The following PTPRD variants were observed in gnomAD, a reference collection of about 807,000 sequenced individuals.
PTPRD encodes protein tyrosine phosphatase receptor type D.
Under a neutral mutation model 214.5 loss-of-function variants are expected in PTPRD, and 34 were observed. The observed-to-expected ratio is 0.16, with a 90% CI of 0.12 to 0.21. The LOEUF (loss-of-function observed/expected upper bound fraction) is 0.21, where lower values mean the gene tolerates loss of function less well. Ranked by LOEUF, PTPRD falls within the 10% of genes least tolerant of loss-of-function variation. The pLI is 1.00. For synonymous variants in PTPRD, 1,128 were observed against 845.7 expected (o/e 1.33, Z -5.79); for missense variants, 2,545 against 2,398.7 (o/e 1.06, Z -1.27).
intron 35 of PTPRD, among the ~76,000 whole-genome samples, chr9:8,417,813 T>C (rs952450467): frequency 6.6e-6 from 1 of 152,148 alleles, no homozygotes; most frequent in Non-Finnish European, 1.5e-5. Flanking sequence ...CTCACAATTA[T>C]AGCTTGTGTC....
intron 10 of PTPRD, among the ~76,000 whole-genome samples, chr9:9,070,515 C>T (rs1439138527): frequency 1.3e-5 from 2 of 152,076 alleles, no homozygotes; most frequent in African/African-American, 4.8e-5. Context: ...AAATCAAGGG[C>T]ACATTCCTTC....
intron 2 of PTPRD, among the ~76,000 whole-genome samples, chr9:10,505,256 T>C (rs1042576755): frequency 6.6e-6 from 1 of 152,216 alleles, no homozygotes; most frequent in African/African-American, 2.4e-5. Flanking sequence ...TTGCAGTCAC[T>C]GGTGACAGTA....
chr9:8,536,638 C>T (rs536672665), intron 14 of PTPRD, among the ~76,000 whole-genome samples: 3 of 152,040 alleles, frequency 2.0e-5, no homozygotes, highest in Non-Finnish European at 2.9e-5. Context: ...GTGCCTATAC[C>T]TTTAGCCCTT....
chr9:8,623,964 T>G (rs927203537), intron 14 of PTPRD, among the ~76,000 whole-genome samples: 2 of 151,998 alleles, frequency 1.3e-5, no homozygotes, highest in Admixed American at 1.3e-4. Context: ...TCAAGGATAT[T>G]TGAAATTCTT....
In PTPRD at chr9:8,998,871, A is replaced by G. The variant is rs186846740; in HGVS notation, c.-104+19826T>C. On this transcript the variant is annotated intron_variant, in intron 11 of 45. Coordinates refer to ENST00000381196, the MANE Select transcript of PTPRD (RefSeq NM_002839.4). ...GGAAGAAGTTGATTCCAATCCTCACAGATGACTTTGAGAGGTTCAAGACTT... is the reference window on the plus strand; with the variant it reads ...GGAAGAAGTTGATTCCAATCCTCACGGATGACTTTGAGAGGTTCAAGACTT... Among the ~76,000 whole-genome samples, 52 of 152,194 alleles carry G rather than the reference A, an allele frequency of 3.4e-4. 1 individual carries two copies. The highest frequency in any genetic ancestry group is 1.1e-3 in the African/African-American group (47 of 41,552).
At chr9:8,587,018 C>T (rs1003350067) in intron 14 of PTPRD, among the ~76,000 whole-genome samples, 8 of 151,900 alleles carry the variant, frequency 5.3e-5, no homozygotes, top group African/African-American at 1.5e-4. Flanking sequence ...ATGGTGGTGG[C>T]GGGTGCCTGT....
At chr9:8,451,302 C>T (rs985754509) in intron 33 of PTPRD, among the ~76,000 whole-genome samples, 13 of 152,076 alleles carry the variant, frequency 8.5e-5, no homozygotes, top group African/African-American at 2.9e-4. Context: ...CTTCTTTCTA[C>T]CTAAAGGTGT....
intron 2 of PTPRD, among the ~76,000 whole-genome samples, chr9:10,598,281 C>T (rs915436087): frequency 2.6e-5 from 4 of 151,706 alleles, no homozygotes; most frequent in South Asian, 4.2e-4. Flanking sequence ...TTTGCTAGCT[C>T]GAAGTAAACA....
At chr9:10,315,171 CTTGA>C (rs2096388347) in intron 3 of PTPRD, among the ~76,000 whole-genome samples, 1 of 151,692 alleles carries the variant, frequency 6.6e-6, no homozygotes, top group African/African-American at 2.4e-5. Context: ...GCATGAATGG[CTTGA>C]TTATTATGCT....
rs140385840 is a variant in PTPRD, at chr9:10,074,088, G to A, written c.-544-40298C>T. ...TTGTGTAAGCTGTCACAGAATTTGC[G>A]TGGAGGTATTTCAGATACCCACCAC... On this transcript the variant is annotated intron_variant, in intron 3 of 45. Coordinates refer to ENST00000381196, the MANE Select transcript of PTPRD (RefSeq NM_002839.4). 1.6e-3 allele frequency among the ~76,000 whole-genome samples: 236 copies of A among 152,176 alleles called. 1 individual carries two copies. Among genetic ancestry groups the A allele is most frequent in the Middle Eastern group, 3.4e-3 (1 of 294 alleles).
rs963492932 is a variant in PTPRD at position 8,484,959 on chromosome 9, C to G, written c.3153+268G>C. ...ATTCTCTGGCTGAAAAACAAAAGCA[C>G]TAGCTTAGATGTAAAAAGTTCAAGT... is the stretch of plus-strand genomic sequence containing the variant. On this transcript the variant is annotated intron_variant, in intron 29 of 45. Transcript: ENST00000381196. Among the ~76,000 whole-genome samples, 7 of 152,136 alleles carry G rather than the reference C, an allele frequency of 4.6e-5. No individual in the cohort carries two copies. The South Asian group carries it at 6.2e-4, about 13-fold the overall frequency.
intron 11 of PTPRD, among the ~76,000 whole-genome samples, chr9:8,953,385 T>C (rs1169074518): frequency 6.6e-6 from 1 of 151,962 alleles, no homozygotes. Context: ...CCTCAAACTA[T>C]AAACATCTTC....
chr9:9,834,366 T>C (rs995574258), intron 5 of PTPRD, among the ~76,000 whole-genome samples: 2 of 152,066 alleles, frequency 1.3e-5, no homozygotes, highest in African/African-American at 2.4e-5. Flanking sequence ...GATTATTGCA[T>C]AGTGGCTCTG....
intron 3 of PTPRD, among the ~76,000 whole-genome samples, chr9:10,099,975 A>G (rs1591170792): frequency 6.6e-6 from 1 of 151,870 alleles, no homozygotes; most frequent in East Asian, 1.9e-4. Context: ...CATCCAGCAT[A>G]TATAAACATG....
At chr9:9,443,570 C>G (rs2089164514) in intron 8 of PTPRD, among the ~76,000 whole-genome samples, 1 of 152,188 alleles carries the variant, frequency 6.6e-6, no homozygotes, top group Admixed American at 6.6e-5. Context: ...TCTTCAAGCC[C>G]TGGGTTGTTA....
At chr9:8,808,742 G>C (rs1459771899) in intron 11 of PTPRD, among the ~76,000 whole-genome samples, 5 of 151,902 alleles carry the variant, frequency 3.3e-5, no homozygotes, top group Admixed American at 2.0e-4. Flanking sequence ...GTTATCAAAA[G>C]ACCACCTGCA....
rs114695005 is a variant in PTPRD at position 9,667,293 on chromosome 9, G to T, written c.-287+67240C>A. Among the ~76,000 whole-genome samples the T allele has an allele frequency of 2.5e-3, 381 of 151,870 alleles. 2 individuals carry two copies. The highest frequency in any genetic ancestry group is 8.6e-3 in the African/African-American group (357 of 41,432). On this transcript the variant is annotated intron_variant, in intron 7 of 45. Transcript: ENST00000381196. ...TGCTCAAATTCTATTATTTCCCCAA[G>T]CCTTATGAGATCTTCCCATTCATCA... is the stretch of plus-strand genomic sequence containing the variant.
rs776993569 is a variant in PTPRD, at chr9:9,638,135, A to AT, written c.-286-63355dup. Among the ~76,000 whole-genome samples the AT allele has an allele frequency of 1.8e-3, 275 of 152,164 alleles. 1 individual carries two copies. The highest frequency in any genetic ancestry group is 2.9e-3 in the Non-Finnish European group (200 of 68,004). On this transcript the variant is annotated intron_variant, in intron 7 of 45. Coordinates refer to ENST00000381196, the MANE Select transcript of PTPRD (RefSeq NM_002839.4). The stretch of plus-strand genomic sequence containing the variant: ...TACTAATATCCATATCAAACCTGTG[A>AT]TTTTTTCCTCTCAAAATACTGCTTT...
intron 11 of PTPRD, among the ~76,000 whole-genome samples, chr9:8,907,269 A>C (rs2098714376): frequency 6.6e-6 from 1 of 152,112 alleles, no homozygotes; most frequent in South Asian, 2.1e-4. Flanking sequence ...AAAATTAGGG[A>C]TAGGCAAAGA....
Sources: allele counts gnomAD v4.1 joint callset (sites outside exome capture counted in the v4.1 genomes callset), GRCh38; gene constraint gnomAD v4.1.1; transcripts MANE v1.5; gene names NCBI Gene and HGNC (gene_info 2026-07-23, HGNC 2026-07-21).